The following ZNF682 variants were observed in gnomAD, a reference collection of about 807,000 sequenced individuals.
ZNF682 encodes zinc finger protein 682.
In ZNF682, 29 loss-of-function variants were observed where a neutral mutation model predicts 36.5. The observed-to-expected ratio is 0.80, with a 90% CI of 0.59 to 1.08. ZNF682 has a LOEUF of 1.08. ZNF682 is among the 50% of genes least tolerant of loss of function. The pLI is 0.00. For missense variants in ZNF682, 561 were observed against 579.7 expected, an observed-to-expected ratio of 0.97 and a Z score of 0.33; for synonymous variants, 180 against 197.0, an observed-to-expected ratio of 0.91 and a Z score of 0.72.
downstream of ZNF682, among the ~76,000 whole-genome samples, chr19:20,000,817 T>C (rs1157763629): frequency 2.6e-5 from 4 of 152,150 alleles, no homozygotes. Flanking sequence ...CTGGGCACTG[T>C]TTACAGAGCC....
At chr19:20,010,951 G>A (rs939766156) in intron 3 of ZNF682, among the ~76,000 whole-genome samples, 6 of 151,524 alleles carry the variant, frequency 4.0e-5, no homozygotes, top group South Asian at 2.1e-4. Flanking sequence ...CCAACAGAGC[G>A]AGACTGTCTC....
At chr19:20,024,603 C>T (rs757825841) in intron 1 of ZNF682, among the ~76,000 whole-genome samples, 1 of 152,078 alleles carries the variant, frequency 6.6e-6, no homozygotes, top group Non-Finnish European at 1.5e-5. Context: ...TTTGGGAGGC[C>T]GAGGCAGGCA....
chr19:20,000,346 C>G (rs2088158765), downstream of ZNF682, among the ~76,000 whole-genome samples: 1 of 152,142 alleles, frequency 6.6e-6, no homozygotes, highest in African/African-American at 2.4e-5. Context: ...TGAGTTTTAG[C>G]CTTACAAAGG....
chr19:20,014,406 T>A (rs950496365), intron 3 of ZNF682, among the ~76,000 whole-genome samples: 2 of 152,160 alleles, frequency 1.3e-5, no homozygotes, highest in Admixed American at 6.5e-5. Context: ...AAACCCAAAC[T>A]TCTCTCACCA....
At chr19:20,034,607 C>CG (rs923844687) in intron 1 of ZNF682, among the ~76,000 whole-genome samples, 1 of 150,688 alleles carries the variant, frequency 6.6e-6, no homozygotes, top group African/African-American at 2.4e-5. Flanking sequence ...GGTGAAACCA[C>CG]CTCTCTACTA....
At chr19:20,026,257 C>G (rs1055844960) in intron 1 of ZNF682, among the ~76,000 whole-genome samples, 2 of 151,520 alleles carry the variant, frequency 1.3e-5, no homozygotes, top group Non-Finnish European at 2.9e-5. Context: ...GAGCCGAGAT[C>G]GCGCCACTGC....
downstream of ZNF682, among the ~76,000 whole-genome samples, chr19:20,001,132 T>A (rs796565039): frequency 6.6e-6 from 1 of 152,234 alleles, no homozygotes; most frequent in South Asian, 2.1e-4. Flanking sequence ...TCTGTTCACA[T>A]ACTTGTAGAA....
chr19:20,023,385 T>C (rs536263856), intron 2 of ZNF682, among the ~76,000 whole-genome samples: 294 of 151,814 alleles, frequency 1.9e-3, no homozygotes, highest in Middle Eastern at 3.4e-3. Context: ...TAATCCCAGC[T>C]GCTTGGGAGG....
In ZNF682 at chr19:20,026,415, G is replaced by A. The variant is rs11880354; in HGVS notation, c.4-2039C>T. On this transcript the variant is annotated intron_variant, in intron 1 of 3. Transcript: ENST00000397165. The stretch of plus-strand genomic sequence containing the variant: ...TGAGGACCCTATACCATCCCTAATA[G>A]AGATCTTAGGTATCTACACCTTTCC... 2.6e-3 allele frequency among the ~76,000 whole-genome samples: 390 copies of A among 152,148 alleles called. 5 individuals are homozygous for A. The highest frequency in any genetic ancestry group is 8.9e-3 in the African/African-American group (371 of 41,484).
At position 20,006,338 on chromosome 19, in the gene ZNF682, C is replaced by G. The variant is rs200649649; in HGVS notation, c.1164G>C (p.Lys388Asn). Residue 388 changes from lysine (K) to asparagine (N), a missense_variant, in exon 4 of 4, where the codon AAG (lysine) becomes AAC (asparagine). Coordinates refer to ENST00000397165, the MANE Select transcript of ZNF682 (RefSeq NM_033196.3). ...AGGGTTTCTCTCCAGTGTGAATTCT[C>G]TTGTGTTTAGTAAGGTATGAGAACC... ...FKRFSYLTKH[K>N]RIHTGEKPYK... The G allele has an allele frequency of 3.5e-4, 561 of 1,613,454 alleles. 5 individuals carry two copies. The African/African-American group carries it at 6.6e-3, about 19-fold the overall frequency.
chr19:20,015,472 A>G, intron 3 of ZNF682: 11 of 943,136 alleles, frequency 1.2e-5, no homozygotes, highest in Non-Finnish European at 1.4e-5. Context: ...ATATATGAAT[A>G]AAAACTAAAA....
chr19:19,999,988 C>T (rs1050290151), downstream of ZNF682, among the ~76,000 whole-genome samples: 11 of 152,176 alleles, frequency 7.2e-5, no homozygotes, highest in African/African-American at 2.7e-4. Flanking sequence ...GTAAGATAAA[C>T]AAGGTTCTGA....
chr19:20,029,918 C>T (rs1206803836), intron 1 of ZNF682, among the ~76,000 whole-genome samples: 1 of 152,158 alleles, frequency 6.6e-6, no homozygotes, highest in African/African-American at 2.4e-5. Context: ...TCTGGAGAGG[C>T]AGCAGGAGCC....
rs1290168469 is a variant in ZNF682 at position 20,006,263 on chromosome 19, A to G, written c.1239T>C (p.Thr413=). The change falls in exon 4 of 4, where the codon ACT becomes ACC. Residue 413 remains threonine, a synonymous_variant. Coordinates refer to ENST00000397165, the MANE Select transcript of ZNF682 (RefSeq NM_033196.3). Reference sequence around the variant, plus strand: ...CTCCAGTATGAATTCTCTTATGTTCAGTAAGGATTGAGGACCAGTTAAAAG... The same window carrying G: ...CTCCAGTATGAATTCTCTTATGTTCGGTAAGGATTGAGGACCAGTTAAAAG... ...GKAFNWSSIL[T]EHKRIHTGEK... 1 of 1,613,624 alleles carries G rather than the reference A, an allele frequency of 6.2e-7. No homozygotes were observed. The highest frequency in any genetic ancestry group is 8.5e-7 in the Non-Finnish European group (1 of 1,179,964).
downstream of ZNF682, among the ~76,000 whole-genome samples, chr19:20,003,990 T>C (rs138825110): frequency 2.0e-5 from 3 of 152,338 alleles, no homozygotes; most frequent in African/African-American, 7.2e-5. Context: ...ATAATTCCCT[T>C]ACACTTTATC....
chr19:20,034,544 C>T (rs575294743), intron 1 of ZNF682, among the ~76,000 whole-genome samples: 5 of 152,110 alleles, frequency 3.3e-5, no homozygotes, highest in South Asian at 2.1e-4. Flanking sequence ...TTTAAGAGAC[C>T]GAGGCGGACG....
At position 20,005,513 on chromosome 19, in the gene ZNF682, TACA is replaced by T. The variant is rs1555785755; in HGVS notation, c.*489_*491del. On this transcript the variant is annotated 3_prime_UTR_variant, in exon 4 of 4. Transcript: ENST00000397165. ...ACCTTTCAGTATAAATTCTCCTATG[TACA>T]ACAAAATCTGTAACATAAGTAAAAG... 1.9e-5 allele frequency: 3 copies of T among 154,612 alleles called. No homozygotes were observed. Among genetic ancestry groups the T allele is most frequent in the Non-Finnish European group, 4.3e-5 (3 of 69,648 alleles). 9.6% of individuals were successfully genotyped at this position (154,612 alleles called of 1,614,324 possible).
At chr19:20,033,249 G>A (rs963429904) in intron 1 of ZNF682, among the ~76,000 whole-genome samples, 5 of 152,048 alleles carry the variant, frequency 3.3e-5, no homozygotes, top group Non-Finnish European at 7.4e-5. Context: ...CTCCAGCCTG[G>A]GTGACAGAGG....
intron 1 of ZNF682, among the ~76,000 whole-genome samples, chr19:20,036,810 AAAAG>A (rs373584258): frequency 0.59 from 57,987 of 97,836 alleles, 18,314 homozygotes; most frequent in South Asian, 0.74. Flanking sequence ...CTATAAAAAA[AAAAG>A]AAAAAAAAAA....
Sources: allele counts gnomAD v4.1 joint callset (sites outside exome capture counted in the v4.1 genomes callset), GRCh38; gene constraint gnomAD v4.1.1; transcripts MANE v1.5; gene names NCBI Gene and HGNC (gene_info 2026-07-23, HGNC 2026-07-21).